PTER: variants seen among roughly 807,000 people sequenced by gnomAD.
PTER encodes the protein phosphotriesterase related, also known as N-acetyltaurine hydrolase.
PTER carries 38 observed loss-of-function variants against 29.6 expected under a neutral mutation model. The ratio of observed to expected loss-of-function variants is 1.28; its 90% CI spans 0.99 to 1.68. The LOEUF (loss-of-function observed/expected upper bound fraction) is 1.68. Among genes scored for constraint, PTER ranks in the 40% most tolerant of loss-of-function variants. PTER has a pLI of 0.00. For missense variants in PTER, 482 were observed against 427.8 expected, an observed-to-expected ratio of 1.13 and a Z score of -1.12; for synonymous variants, 172 against 154.5, an observed-to-expected ratio of 1.11 and a Z score of -0.84.
At chr10:16,514,142 A>G, downstream of PTER, 1 of 398,326 alleles carries the variant, frequency 2.5e-6, no homozygotes. Context: ...TAAGCAGGTA[A>G]ACTCACAAGA....
rs750239888 is a variant in PTER at position 16,486,531 on chromosome 10, G to C, written c.612G>C (p.Arg204=). Residue 204 remains arginine, a synonymous_variant, in exon 3 of 5, where the codon CGG becomes CGC. Transcript: ENST00000535784. The part of the protein sequence containing the change: ...LGCPVIIHPG[R]SSRAPFQIIR... The stretch of plus-strand genomic sequence containing the variant: ...GTCCTGTTATTATCCATCCTGGACG[G>C]AGCTCCAGGGCACCATTTCAGATTA... 4 of 1,613,990 alleles carry C rather than the reference G, an allele frequency of 2.5e-6. No homozygotes were observed. In the South Asian group the frequency reaches 4.4e-5, roughly 18 times the overall value.
chr10:16,505,033 A>G lies in PTER; in HGVS notation c.712A>G (p.Lys238Glu), dbSNP rs527906479. The change falls in exon 4 of 5, where the codon AAG (lysine) becomes GAG (glutamate). Residue 238 changes from lysine (K) to glutamate (E), a missense_variant. By Grantham distance (56) the Lys-to-Glu change is moderately conservative. Transcript: ENST00000535784. Reference protein sequence around the residue: ...MSHLDRTILDKKELLEFAQLG... With the variant: ...MSHLDRTILDEKELLEFAQLG... ...CATTGTTTCTAGGACTATTCTTGAT[A>G]AGAAAGAGCTCTTGGAGTTTGCTCA... is the stretch of plus-strand genomic sequence containing the variant. 1.7e-5 allele frequency: 28 copies of G among 1,613,934 alleles called. No homozygotes were observed. The East Asian group carries it at 5.3e-4, about 31-fold the overall frequency.
chr10:16,506,582 T>C (rs1157515556), intron 4 of PTER, among the ~76,000 whole-genome samples: 1 of 152,136 alleles, frequency 6.6e-6, no homozygotes, highest in Admixed American at 6.5e-5. Flanking sequence ...AGGCAACAAA[T>C]AGATGGAATC....
At chr10:16,492,158 G>A (rs1835922606) in intron 3 of PTER, among the ~76,000 whole-genome samples, 1 of 152,172 alleles carries the variant, frequency 6.6e-6, no homozygotes. Flanking sequence ...CTGCTTCTGT[G>A]TCTAGGCCGT....
chr10:16,511,529 C>G lies in PTER; in HGVS notation c.*273C>G. 1 of 376,190 alleles carries G rather than the reference C, an allele frequency of 2.7e-6. No individual in the cohort carries two copies. Among genetic ancestry groups the G allele is most frequent in the East Asian group, 4.3e-5 (1 of 23,164 alleles). 23.3% of individuals were successfully genotyped at this position (376,190 alleles called of 1,614,324 possible). On this transcript the variant is annotated 3_prime_UTR_variant, in exon 5 of 5. Transcript: ENST00000535784. ...AACAATGATTTAAAGTCTATATCCC[C>G]TAAGCGGAGTTGTTGTTTTTCTCCC...
chr10:16,465,601 C>T (rs934097358), intron 1 of PTER, among the ~76,000 whole-genome samples: 1 of 152,162 alleles, frequency 6.6e-6, no homozygotes, highest in Non-Finnish European at 1.5e-5. Context: ...AAATTACATT[C>T]CATCAGTATG....
rs752440949 is a variant in PTER at position 16,505,026 on chromosome 10, T to A, written c.705T>A (p.Ile235=). Residue 235 remains isoleucine, a synonymous_variant, in exon 4 of 5, where the codon ATT becomes ATA. Coordinates refer to ENST00000535784, the MANE Select transcript of PTER (RefSeq NM_001261836.2). ...KTVMSHLDRT[I]LDKKELLEFA... ...TCTGTCGCATTGTTTCTAGGACTAT[T>A]CTTGATAAGAAAGAGCTCTTGGAGT... 3 of 1,613,944 alleles carry A rather than the reference T, an allele frequency of 1.9e-6. No individual in the cohort carries two copies. In the Admixed American group the frequency reaches 5.0e-5, roughly 27 times the overall value.
intron 1 of PTER, among the ~76,000 whole-genome samples, chr10:16,470,319 C>A (rs1834998674): frequency 6.6e-6 from 1 of 152,218 alleles, no homozygotes; most frequent in Non-Finnish European, 1.5e-5. Flanking sequence ...TCCCAGCCTC[C>A]AAGTGAGGCC....
chr10:16,509,511 A>C (rs905482755), intron 4 of PTER, among the ~76,000 whole-genome samples: 1 of 152,202 alleles, frequency 6.6e-6, no homozygotes, highest in Non-Finnish European at 1.5e-5. Flanking sequence ...ATAGGCAAAA[A>C]TTTTGGAAAA....
downstream of PTER, among the ~76,000 whole-genome samples, chr10:16,516,818 C>T (rs183304294): frequency 1.3e-5 from 2 of 152,302 alleles, no homozygotes; most frequent in East Asian, 1.9e-4. Context: ...TGAAAGGTTA[C>T]CCTCACAGTT....
chr10:16,465,247 A>G (rs971776835), intron 1 of PTER, among the ~76,000 whole-genome samples: 41 of 94,278 alleles, frequency 4.3e-4, no homozygotes, highest in African/African-American at 2.1e-3. Context: ...AATGCTTACC[A>G]TATATGTGCT....
chr10:16,440,800 G>GA (rs1833823417), intron 1 of PTER, among the ~76,000 whole-genome samples: 1 of 152,256 alleles, frequency 6.6e-6, no homozygotes, highest in Non-Finnish European at 1.5e-5. Flanking sequence ...CGATGAGCTA[G>GA]AAATAAACTT....
downstream of PTER, among the ~76,000 whole-genome samples, chr10:16,516,951 C>G (rs1189463063): frequency 6.6e-6 from 1 of 152,264 alleles, no homozygotes; most frequent in East Asian, 1.9e-4. Context: ...CTCCAGTGTA[C>G]CTGGCATGAT....
intron 1 of PTER, among the ~76,000 whole-genome samples, chr10:16,438,663 C>T (rs1399202539): frequency 1.3e-5 from 2 of 150,092 alleles, no homozygotes; most frequent in Admixed American, 1.3e-4. Flanking sequence ...CGCGGTGGCT[C>T]ACACCTGTAA....
chr10:16,444,272 C>T (rs1833944402), intron 1 of PTER, among the ~76,000 whole-genome samples: 1 of 152,096 alleles, frequency 6.6e-6, no homozygotes, highest in Admixed American at 6.5e-5. Flanking sequence ...GGATTACAGG[C>T]ATGAACCACC....
At chr10:16,453,268 T>C (rs1834279261) in intron 1 of PTER, among the ~76,000 whole-genome samples, 1 of 152,180 alleles carries the variant, frequency 6.6e-6, no homozygotes, top group African/African-American at 2.4e-5. Flanking sequence ...AGAATAAAAT[T>C]ATTCTTGGTT....
downstream of PTER, chr10:16,513,893 A>G (rs1015440150): frequency 1.9e-5 from 3 of 157,346 alleles, no homozygotes; most frequent in African/African-American, 7.2e-5. Context: ...GAGAGAAAAG[A>G]AAATTCATAT....
In PTER at chr10:16,486,628, T is replaced by C; in HGVS notation, c.698+11T>C. On this transcript the variant is annotated intron_variant, in intron 3 of 4. Transcript: ENST00000535784. ...GTCACACCTGGATAGGTAAGTAGGC[T>C]GTCTTACAAATGGATGCAAACTGCC... 1.3e-6 allele frequency: 2 copies of C among 1,598,372 alleles called. No individual in the cohort carries two copies. Among genetic ancestry groups the C allele is most frequent in the Non-Finnish European group, 1.7e-6 (2 of 1,171,156 alleles).
chr10:16,481,114 G>A (rs1835464984), intron 1 of PTER, among the ~76,000 whole-genome samples: 2 of 152,136 alleles, frequency 1.3e-5, no homozygotes, highest in South Asian at 4.1e-4. Context: ...TCCTCAGATT[G>A]TTCAAATTTC....
Sources: allele counts gnomAD v4.1 joint callset (sites outside exome capture counted in the v4.1 genomes callset), GRCh38; gene constraint gnomAD v4.1.1; transcripts MANE v1.5; gene names NCBI Gene and HGNC (gene_info 2026-07-23, HGNC 2026-07-21).